The following METTL4 variants were observed in gnomAD, a reference collection of about 807,000 sequenced individuals.
METTL4 encodes the protein methyltransferase 4, N6-adenosine, also known as N(6)-adenine-specific methyltransferase METTL4.
In METTL4, 40 loss-of-function variants were observed where a neutral mutation model predicts 54.0. The observed-to-expected ratio is 0.74, with a 90% confidence interval of 0.58 to 0.96. The LOEUF (loss-of-function observed/expected upper bound fraction) is 0.96, where lower values mean the gene tolerates loss of function less well. METTL4 is among the 50% of genes least tolerant of loss of function. The pLI is 0.00. For synonymous variants in METTL4, 169 were observed against 183.8 expected, an observed-to-expected ratio of 0.92 and a Z score of 0.65; for missense variants, 525 against 549.0, an observed-to-expected ratio of 0.96 and a Z score of 0.44.
At chr18:2,547,749 ATT>A (rs11321765) in intron 5 of METTL4, among the ~76,000 whole-genome samples, 4 of 151,594 alleles carry the variant, frequency 2.6e-5, no homozygotes, top group African/African-American at 9.7e-5. Context: ...GTCAGGCTGT[ATT>A]TTTTTTTAGT....
At chr18:2,555,269 T>C in intron 3 of METTL4, 1 of 517,586 alleles carries the variant, frequency 1.9e-6, no homozygotes, top group Non-Finnish European at 3.4e-6. Flanking sequence ...ACCAAATACA[T>C]GTAAGAAAAT....
intron 1 of METTL4, chr18:2,568,749 T>G (rs2072459622): frequency 1.8e-5 from 2 of 108,942 alleles, no homozygotes; most frequent in Admixed American, 1.2e-4. Flanking sequence ...TGAAACTACG[T>G]CTCAAAAAAA....
intron 2 of METTL4, 95 bp downstream of exon 2, chr18:2,566,726 T>C (rs1362171629): frequency 9.5e-7 from 1 of 1,047,452 alleles, no homozygotes; most frequent in Non-Finnish European, 1.3e-6. Flanking sequence ...GATTCTTCTT[T>C]ATACTTAACG....
rs1271945137 is a variant in METTL4 at position 2,538,993 on chromosome 18, A to T, written c.*7T>A. On this transcript the variant is annotated 3_prime_UTR_variant, in exon 9 of 9. Coordinates refer to ENST00000574538, the MANE Select transcript of METTL4 (RefSeq NM_022840.5). ...TGAAGAAACCACTACTTTAATCAAG[A>T]TCATAGTCAGCTTCCAGACTCCACA... The T allele has an allele frequency of 3.1e-6, 5 of 1,613,202 alleles. No individual in the cohort carries two copies. In the East Asian group the frequency reaches 8.9e-5, roughly 29 times the overall value.
intron 2 of METTL4, among the ~76,000 whole-genome samples, chr18:2,565,054 G>A (rs2459700): frequency 0.25 from 37,717 of 152,038 alleles, 4,954 homozygotes; most frequent in African/African-American, 0.32. Flanking sequence ...TTGGGAGGCC[G>A]AGGCAGGTGG....
At chr18:2,560,823 G>A (rs2072305935) in intron 3 of METTL4, among the ~76,000 whole-genome samples, 1 of 152,180 alleles carries the variant, frequency 6.6e-6, no homozygotes, top group Non-Finnish European at 1.5e-5. Flanking sequence ...AGTTTGCAGT[G>A]AGCGGAGATG....
chr18:2,566,064 AAT>A (rs1472069589), intron 2 of METTL4, among the ~76,000 whole-genome samples: 15 of 148,570 alleles, frequency 1.0e-4, no homozygotes, highest in Admixed American at 6.7e-4. Context: ...TAAATAAATA[AAT>A]AAATAAATAA....
intron 3 of METTL4, 95 bp from the exon 4 acceptor site, chr18:2,555,133 T>C (rs1177326179): frequency 8.4e-7 from 1 of 1,196,104 alleles, no homozygotes; most frequent in Non-Finnish European, 1.2e-6. Context: ...CTGAAATCAA[T>C]ATCCTTAACA....
rs573494402 is a variant in METTL4, at chr18:2,542,062, T to C, written c.1273+2133A>G. 1.1e-4 allele frequency among the ~76,000 whole-genome samples: 17 copies of C among 152,318 alleles called. No individual in the cohort carries two copies. In the South Asian group the frequency reaches 2.1e-3, roughly 19 times the overall value. On this transcript the variant is annotated intron_variant, in intron 8 of 8. Coordinates refer to ENST00000574538, the MANE Select transcript of METTL4 (RefSeq NM_022840.5). ...AAGATTTTATATATATATGGAGTTA[T>C]TCAGATGTTTCCTCCAGAATCTAAC...
intron 1 of METTL4, among the ~76,000 whole-genome samples, chr18:2,568,046 G>A (rs2072447352): frequency 6.6e-6 from 1 of 152,202 alleles, no homozygotes; most frequent in Admixed American, 6.5e-5. Flanking sequence ...TCTAGATATT[G>A]CTTTCTAAAT....
Position 2,548,236 on chromosome 18 carries a change from G to A in METTL4, c.900-707C>T, listed in dbSNP as rs528635971. Among the ~76,000 whole-genome samples, 45 of 152,122 alleles carry A rather than the reference G, an allele frequency of 3.0e-4. 1 individual carries two copies. In the East Asian group the frequency reaches 7.5e-3, roughly 25 times the overall value. ...TAGAGTATAATGGCTAGTTTGTCCTGCAAAAATACTACTTGCTCTACAATA... is the reference window on the plus strand; with the variant it reads ...TAGAGTATAATGGCTAGTTTGTCCTACAAAAATACTACTTGCTCTACAATA... On this transcript the variant is annotated intron_variant, in intron 5 of 8. Coordinates refer to ENST00000574538, the MANE Select transcript of METTL4 (RefSeq NM_022840.5).
intron 3 of METTL4, among the ~76,000 whole-genome samples, chr18:2,557,983 C>T (rs968990843): frequency 1.3e-5 from 2 of 152,018 alleles, no homozygotes; most frequent in Non-Finnish European, 2.9e-5. Flanking sequence ...TAAACCAACC[C>T]AAAAAAATCT....
chr18:2,551,966 A>G (rs1198262097), intron 5 of METTL4, among the ~76,000 whole-genome samples: 5 of 152,118 alleles, frequency 3.3e-5, no homozygotes, highest in Non-Finnish European at 7.4e-5. Flanking sequence ...AGGCCGAGGC[A>G]GACAGATCAT....
intron 5 of METTL4, among the ~76,000 whole-genome samples, chr18:2,551,614 C>T (rs1434938817): frequency 6.6e-6 from 1 of 151,844 alleles, no homozygotes; most frequent in Non-Finnish European, 1.5e-5. Context: ...GCAGGCACAT[C>T]TGAACCAGAA....
chr18:2,558,933 C>T (rs2072276030), intron 3 of METTL4, among the ~76,000 whole-genome samples: 1 of 152,142 alleles, frequency 6.6e-6, no homozygotes, highest in Non-Finnish European at 1.5e-5. Context: ...GATACTACTC[C>T]ACACCTACTA....
intron 5 of METTL4, among the ~76,000 whole-genome samples, chr18:2,551,297 CTTAA>C (rs754462620): frequency 6.6e-5 from 10 of 151,754 alleles, no homozygotes; most frequent in Middle Eastern, 6.8e-3. Flanking sequence ...TACCCTTTCT[CTTAA>C]TTAATTCATT....
At position 2,542,568 on chromosome 18, in the gene METTL4, T is replaced by C. The variant is rs139608602; in HGVS notation, c.1273+1627A>G. On this transcript the variant is annotated intron_variant, in intron 8 of 8. Transcript: ENST00000574538. ...AAAAAATAAGGTTTGAGACAAACAC[T>C]AGCTTTGTTACCAAGTGATAAATAA... Among the ~76,000 whole-genome samples, 209 of 152,294 alleles carry C rather than the reference T, an allele frequency of 1.4e-3. 4 individuals carry two copies. The East Asian group carries it at 0.036, about 26-fold the overall frequency.
chr18:2,570,865 T>C (rs1020244111), intron 1 of METTL4, among the ~76,000 whole-genome samples: 1 of 152,180 alleles, frequency 6.6e-6, no homozygotes, highest in African/African-American at 2.4e-5. Flanking sequence ...GCAGTGCCTG[T>C]TTCTGGATTC....
At chr18:2,539,172 A>G (rs2071956181) in intron 8 of METTL4, 27 bp from the exon 9 acceptor site, 2 of 1,573,140 alleles carry the variant, frequency 1.3e-6, no homozygotes, top group East Asian at 2.2e-5. Context: ...AAAAACACAA[A>G]AATTATTATT....
Sources: allele counts gnomAD v4.1 joint callset (sites outside exome capture counted in the v4.1 genomes callset), GRCh38; gene constraint gnomAD v4.1.1; transcripts MANE v1.5; gene names NCBI Gene and HGNC (gene_info 2026-07-23, HGNC 2026-07-21).